Variants in ADAT1 observed in about 807,000 individuals in gnomAD.
The protein encoded by ADAT1 is tRNA-specific adenosine deaminase 1.
In ADAT1, 58 loss-of-function variants were observed where a neutral mutation model predicts 58.6. The ratio of observed to expected loss-of-function variants is 0.99; its 90% CI spans 0.80 to 1.23. The LOEUF (loss-of-function observed/expected upper bound fraction) is 1.23, where lower values mean the gene tolerates loss of function less well. Ranked by LOEUF, ADAT1 falls within the 50% of genes most tolerant of loss-of-function variation. The pLI, the probability that ADAT1 is intolerant of heterozygous loss-of-function variation, is 0.00. For missense variants in ADAT1, 741 were observed against 608.6 expected (o/e 1.22, Z -2.29); for synonymous variants, 254 against 220.8 (o/e 1.15, Z -1.33).
chr16:75,603,565 A>G (rs56321575), intron 8 of ADAT1, among the ~76,000 whole-genome samples: 5,465 of 152,286 alleles, frequency 0.036, 155 homozygotes, highest in African/African-American at 0.08. Flanking sequence ...GTGAACTGTC[A>G]TTATAAAATC....
In ADAT1 at chr16:75,600,093, C is replaced by A; in HGVS notation, c.*123G>T. 6.5e-7 allele frequency: 1 copy of A among 1,531,806 alleles called. No homozygotes were observed. Among genetic ancestry groups the A allele is most frequent in the Non-Finnish European group, 8.8e-7 (1 of 1,138,178 alleles). 94.9% of individuals were successfully genotyped at this position (1,531,806 alleles called of 1,614,324 possible). ...TCCAGATTCCATCTGTATTACACAA[C>A]AGAGATGCAAAGCTCAGAAAGAATG... On this transcript the variant is annotated 3_prime_UTR_variant, in exon 10 of 10. Transcript: ENST00000564657.
chr16:75,600,021 C>A lies in ADAT1; in HGVS notation c.*195G>T, dbSNP rs2081181911. 5.8e-6 allele frequency: 8 copies of A among 1,377,932 alleles called. No individual in the cohort carries two copies. Among genetic ancestry groups the A allele is most frequent in the Non-Finnish European group, 7.5e-6 (8 of 1,063,142 alleles). The allele number at this position is 1,377,932 out of a possible 1,614,324, so 85.4% of individuals were successfully genotyped here. ...AGATAGTGAGGTCATTAGTGAGATG[C>A]CATTTTAGCAGAGAGCTACTTCAAT... On this transcript the variant is annotated 3_prime_UTR_variant, in exon 10 of 10. Coordinates refer to ENST00000564657, the MANE Select transcript of ADAT1 (RefSeq NM_001324445.2).
chr16:75,605,549 T>G (rs1210384939), intron 8 of ADAT1, among the ~76,000 whole-genome samples: 1 of 152,206 alleles, frequency 6.6e-6, no homozygotes, highest in African/African-American at 2.4e-5. Context: ...AAAAGTTATA[T>G]GCAGATTTTT....
intron 5 of ADAT1, among the ~76,000 whole-genome samples, chr16:75,615,455 C>T (rs532264258): frequency 4.6e-5 from 3 of 65,396 alleles, no homozygotes; most frequent in Non-Finnish European, 9.7e-5. Flanking sequence ...ACAAAATACA[C>T]GAACGCAAAC....
Position 75,601,027 on chromosome 16 carries a change from ACTGT to A in ADAT1, c.1377-683_1377-680del, listed in dbSNP as rs755574208. On this transcript the variant is annotated intron_variant, in intron 9 of 9. Coordinates refer to ENST00000564657, the MANE Select transcript of ADAT1 (RefSeq NM_001324445.2). The stretch of plus-strand genomic sequence containing the variant: ...AGTGGAATCAGATAAAATAAAAACA[ACTGT>A]CTACTTTTTTGGTTTAAAAGTTTTC... 4.6e-5 allele frequency among the ~76,000 whole-genome samples: 7 copies of A among 152,284 alleles called. No homozygotes were observed. In the East Asian group the frequency reaches 5.8e-4, roughly 13 times the overall value.
In ADAT1 at chr16:75,597,239, A is replaced by G. The variant is rs2081091184; in HGVS notation, c.*2977T>C. The G allele has an allele frequency of 9.2e-6, 3 of 327,754 alleles. No individual in the cohort carries two copies. Among genetic ancestry groups the G allele is most frequent in the Non-Finnish European group, 1.2e-5 (2 of 164,684 alleles). The allele number at this position is 327,754 out of a possible 1,614,324, so 20.3% of individuals were successfully genotyped here. ...TGGATTAGGGCAGGCCCTAAATCCA[A>G]TTACTGGGGTCCTTATAAGTAGGCC... On this transcript the variant is annotated 3_prime_UTR_variant, in exon 10 of 10. Transcript: ENST00000564657.
intron 8 of ADAT1, among the ~76,000 whole-genome samples, chr16:75,604,067 G>A (rs935088249): frequency 6.6e-6 from 1 of 152,034 alleles, no homozygotes; most frequent in African/African-American, 2.4e-5. Flanking sequence ...AGGAAGATGA[G>A]GCCACTTTAG....
chr16:75,621,038 T>C (rs1434274561), intron 1 of ADAT1, among the ~76,000 whole-genome samples: 2 of 152,066 alleles, frequency 1.3e-5, no homozygotes, highest in South Asian at 2.1e-4. Flanking sequence ...CCCAAAATTA[T>C]TGTTTCAAGT....
Position 75,599,711 on chromosome 16 carries a change from G to A in ADAT1, c.*505C>T. 1.0e-6 allele frequency: 1 copy of A among 987,900 alleles called. No homozygotes were observed. Among genetic ancestry groups the A allele is most frequent in the Non-Finnish European group, 1.2e-6 (1 of 831,392 alleles). 61.2% of individuals were successfully genotyped at this position (987,900 alleles called of 1,614,324 possible). A position where few individuals can be genotyped will look rare whatever the true frequency, so the allele number is the denominator to read the frequency against. ...CACAGGCTATTCCTAGAGCCAGGGA[G>A]TAAGGTTAGCTTCAGCCAAGTCTGA... On this transcript the variant is annotated 3_prime_UTR_variant, in exon 10 of 10. Transcript: ENST00000564657.
At chr16:75,604,456 A>ATATATAT (rs1483003835) in intron 8 of ADAT1, among the ~76,000 whole-genome samples, 1 of 48,784 alleles carries the variant, frequency 2.0e-5, no homozygotes. Flanking sequence ...AAAAAAAAAA[A>ATATATAT]ATATATATAT....
chr16:75,621,219 C>T (rs911443724), intron 1 of ADAT1, among the ~76,000 whole-genome samples: 1 of 134,848 alleles, frequency 7.4e-6, no homozygotes, highest in African/African-American at 2.6e-5. Flanking sequence ...TAAGGTTTAT[C>T]TTTCTGGACA....
chr16:75,615,045 T>C (rs2081656475), intron 5 of ADAT1, among the ~76,000 whole-genome samples: 4 of 152,192 alleles, frequency 2.6e-5, no homozygotes, highest in Admixed American at 2.6e-4. Flanking sequence ...GCCAATGTGG[T>C]GAAACCCTGT....
At position 75,612,540 on chromosome 16, in the gene ADAT1, C is replaced by T. The variant is rs2081576357; in HGVS notation, c.746G>A (p.Gly249Asp). 1 of 1,614,170 alleles carries T rather than the reference C, an allele frequency of 6.2e-7. No homozygotes were observed. Among genetic ancestry groups the T allele is most frequent in the Non-Finnish European group, 8.5e-7 (1 of 1,180,030 alleles). The stretch of plus-strand genomic sequence containing the variant: ...ATAAACGTCTATCACTTTGGCACTA[C>T]CAGGGGCTATTCTGGTGACAGTAGC... ...GLATVTRIAPGSAKVIDVYRT... is the reference protein window; with the variant it reads ...GLATVTRIAPDSAKVIDVYRT... The change falls in exon 6 of 10, where the codon GGT becomes GAT. Residue 249 changes from glycine to aspartate, a missense_variant. Physicochemically the swap from Gly to Asp is moderately conservative, Grantham distance 94. Transcript: ENST00000564657.
rs778225780 is a variant in ADAT1, at chr16:75,620,681, A to G, written c.119T>C (p.Ile40Thr). Reference sequence around the variant, plus strand: ...GCAGGCCTTGTCAGCTGGAGATTGTATCTTCACCACCGCTGCCAATAATGT... The same window carrying G: ...GCAGGCCTTGTCAGCTGGAGATTGTGTCTTCACCACCGCTGCCAATAATGT... ...EWTLLAAVVK[I>T]QSPADKACDT... Residue 40 changes from isoleucine to threonine, a missense_variant, in exon 2 of 10, where the codon ATA becomes ACA. Physicochemically the swap from Ile to Thr is moderately conservative, Grantham distance 89. Transcript: ENST00000564657. 2 of 1,613,866 alleles carry G rather than the reference A, an allele frequency of 1.2e-6. No individual in the cohort carries two copies. The highest frequency in any genetic ancestry group is 1.7e-6 in the Non-Finnish European group (2 of 1,180,032).
chr16:75,619,893 CAAAAAAAAA>C (rs750598792), intron 3 of ADAT1: 3 of 98,466 alleles, frequency 3.0e-5, no homozygotes, highest in Admixed American at 1.1e-4. Flanking sequence ...GACTCCGAGT[CAAAAAAAAA>C]AAAAAAAAAA....
intron 8 of ADAT1, among the ~76,000 whole-genome samples, chr16:75,606,192 T>C (rs552912703): frequency 1.3e-5 from 2 of 152,186 alleles, no homozygotes; most frequent in African/African-American, 2.4e-5. Flanking sequence ...AGTGTTTTTA[T>C]CTAGCAACCA....
intron 3 of ADAT1, among the ~76,000 whole-genome samples, chr16:75,619,182 T>C (rs1180332408): frequency 6.6e-6 from 1 of 152,098 alleles, no homozygotes; most frequent in African/African-American, 2.4e-5. Flanking sequence ...AGGAGAATGG[T>C]AGAAGCCAAC....
chr16:75,599,374 G>C lies in ADAT1; in HGVS notation c.*842C>G, dbSNP rs1304283173. On this transcript the variant is annotated 3_prime_UTR_variant, in exon 10 of 10. Coordinates refer to ENST00000564657, the MANE Select transcript of ADAT1 (RefSeq NM_001324445.2). The stretch of plus-strand genomic sequence containing the variant: ...TGGGATTACAGGCCTGAGCCACCAA[G>C]CCTGGCCACCTTTTGGCTTTTTGGA... The C allele has an allele frequency of 6.1e-6, 6 of 985,674 alleles. No individual in the cohort carries two copies. Among genetic ancestry groups the C allele is most frequent in the Non-Finnish European group, 7.2e-6 (6 of 829,952 alleles). 61.1% of individuals were successfully genotyped at this position (985,674 alleles called of 1,614,324 possible). A position where few individuals can be genotyped will look rare whatever the true frequency, so the allele number is the denominator to read the frequency against.
At chr16:75,614,492 TC>T (rs1204093909) in intron 5 of ADAT1, among the ~76,000 whole-genome samples, 1 of 152,170 alleles carries the variant, frequency 6.6e-6, no homozygotes, top group Admixed American at 6.5e-5. Context: ...AAATAATACA[TC>T]TGTAATCTTT....
Sources: gnomAD v4.1 joint callset for allele counts (sites outside exome capture counted in the v4.1 genomes callset) on GRCh38, gnomAD v4.1.1 for gene constraint, MANE v1.5 for transcripts, NCBI Gene and HGNC (gene_info 2026-07-23, HGNC 2026-07-21) for gene names.